RBFOX3: variants seen among roughly 807,000 people sequenced by gnomAD.
The protein encoded by RBFOX3 is RNA binding fox-1 homolog 3, also known as RNA binding protein fox-1 homolog 3.
In RBFOX3, 17 loss-of-function variants were observed where a neutral mutation model predicts 48.7. The observed-to-expected ratio is 0.35, with a 90% CI of 0.24 to 0.52. The LOEUF is 0.52. Ranked by LOEUF, RBFOX3 falls within the 20% of genes least tolerant of loss-of-function variation. The pLI is 0.94. For synonymous variants in RBFOX3, 212 were observed against 209.5 expected (o/e 1.01, Z -0.10); for missense variants, 382 against 497.5 (o/e 0.77, Z 2.21).
At chr17:79,639,500 A>G in the RBFOX3 span, among the ~76,000 whole-genome samples, 2 of 152,192 alleles carry the variant, frequency 1.3e-5, no homozygotes, top group Admixed American at 1.3e-4. Flanking sequence ...TGAGGCTAGC[A>G]TCACCCTAAT....
chr17:79,192,276 C>T (rs1255128640), intron 4 of RBFOX3, among the ~76,000 whole-genome samples: 1 of 152,204 alleles, frequency 6.6e-6, no homozygotes, highest in Non-Finnish European at 1.5e-5. Context: ...TTAGCCGCTC[C>T]CGGCCTTTCC....
chr17:79,179,975 G>A (rs1222529678), intron 4 of RBFOX3, among the ~76,000 whole-genome samples: 1 of 152,222 alleles, frequency 6.6e-6, no homozygotes, highest in Non-Finnish European at 1.5e-5. Flanking sequence ...GAGTGGGCAG[G>A]AAAGCTTCAA....
intron 1 of RBFOX3, among the ~76,000 whole-genome samples, chr17:79,488,019 G>C (rs1481813329): frequency 6.6e-6 from 1 of 151,954 alleles, no homozygotes; most frequent in African/African-American, 2.4e-5. Context: ...GGCTCCTAGA[G>C]GTGGGGGTGA....
At chr17:79,556,467 G>T (rs1040423811) in intron 1 of RBFOX3, among the ~76,000 whole-genome samples, 2 of 152,180 alleles carry the variant, frequency 1.3e-5, no homozygotes, top group African/African-American at 4.8e-5. Flanking sequence ...TGCCCAGGCC[G>T]CCCACAGGAA....
At chr17:79,455,277 G>A (rs76309245) in intron 2 of RBFOX3, among the ~76,000 whole-genome samples, 6,269 of 152,300 alleles carry the variant, frequency 0.041, 421 homozygotes, top group African/African-American at 0.14. Context: ...GGAGCGGAGA[G>A]GGGGAGAGGC....
At chr17:79,092,110 GC>G in intron 14 of RBFOX3, 1 of 985,542 alleles carries the variant, frequency 1.0e-6, no homozygotes, top group Non-Finnish European at 1.2e-6. Context: ...GCGTCAGGGT[GC>G]TGGACACTAG....
At chr17:79,651,339 G>A in the RBFOX3 span, among the ~76,000 whole-genome samples, 6 of 152,276 alleles carry the variant, frequency 3.9e-5, no homozygotes, top group East Asian at 3.9e-4. Flanking sequence ...GACAGACAGC[G>A]CCAGAGAGTT....
chr17:79,530,802 C>T (rs939046459), intron 1 of RBFOX3, among the ~76,000 whole-genome samples: 20 of 152,166 alleles, frequency 1.3e-4, no homozygotes, highest in Admixed American at 3.3e-4. Flanking sequence ...ACGGAGCCTC[C>T]GGGAGCTTCC....
At chr17:79,491,725 T>C (rs1441898908) in intron 1 of RBFOX3, among the ~76,000 whole-genome samples, 1 of 152,158 alleles carries the variant, frequency 6.6e-6, no homozygotes, top group African/African-American at 2.4e-5. Context: ...GGTGATGGTG[T>C]CATTTATCGC....
At chr17:79,610,455 AGCCACCACCACC>A (rs1173825138) in intron 1 of RBFOX3, among the ~76,000 whole-genome samples, 2 of 151,314 alleles carry the variant, frequency 1.3e-5, no homozygotes, top group Non-Finnish European at 3.0e-5. Flanking sequence ...CCGCCGCCAC[AGCCACCACCACC>A]GCCACCGCCA....
intron 2 of RBFOX3, among the ~76,000 whole-genome samples, chr17:79,383,644 G>T (rs1191026583): frequency 6.6e-6 from 1 of 152,158 alleles, no homozygotes; most frequent in Non-Finnish European, 1.5e-5. Flanking sequence ...GGTTCCTAGG[G>T]ACTTTCTGTG....
At chr17:79,244,481 ACCCACCCTC>A (rs908968804) in intron 3 of RBFOX3, among the ~76,000 whole-genome samples, 51 of 61,066 alleles carry the variant, frequency 8.4e-4, no homozygotes, top group Non-Finnish European at 2.1e-4. Flanking sequence ...AGAGTAACCC[ACCCACCCTC>A]CCCACCTTCA....
At chr17:79,583,418 C>T (rs925946649) in intron 1 of RBFOX3, among the ~76,000 whole-genome samples, 16 of 152,206 alleles carry the variant, frequency 1.1e-4, no homozygotes, top group East Asian at 3.8e-4. Context: ...ACAGATGTCA[C>T]GCAGTGCCCC....
At chr17:79,147,450 C>T (rs2043264833) in intron 4 of RBFOX3, among the ~76,000 whole-genome samples, 1 of 152,240 alleles carries the variant, frequency 6.6e-6, no homozygotes, top group African/African-American at 2.4e-5. Context: ...TTCCCCCAAC[C>T]CCTCCGGAGC....
chr17:79,121,099 A>G (rs1157285642), intron 4 of RBFOX3, among the ~76,000 whole-genome samples: 1 of 152,036 alleles, frequency 6.6e-6, no homozygotes, highest in Non-Finnish European at 1.5e-5. Flanking sequence ...GTTTTCTAGG[A>G]AACAGGAGAC....
At chr17:79,441,116 C>G (rs1034442391) in intron 2 of RBFOX3, among the ~76,000 whole-genome samples, 1 of 152,144 alleles carries the variant, frequency 6.6e-6, no homozygotes, top group African/African-American at 2.4e-5. Context: ...AGAGACACAG[C>G]GGAAGGATTT....
At chr17:79,095,813 G>A (rs764303277) in intron 12 of RBFOX3, among the ~76,000 whole-genome samples, 20 of 152,322 alleles carry the variant, frequency 1.3e-4, no homozygotes, top group Middle Eastern at 3.4e-3. Context: ...TCAGGGCGAG[G>A]CAGGTCTGCC....
intron 3 of RBFOX3, among the ~76,000 whole-genome samples, chr17:79,267,711 G>A (rs2066952533): frequency 6.6e-6 from 1 of 152,126 alleles, no homozygotes; most frequent in African/African-American, 2.4e-5. Context: ...CTCTATGGAG[G>A]AAGATGCCAG....
intron 4 of RBFOX3, among the ~76,000 whole-genome samples, chr17:79,186,142 C>G (rs535369868): frequency 6.6e-6 from 1 of 152,332 alleles, no homozygotes; most frequent in East Asian, 1.9e-4. Context: ...CACCTGCCTT[C>G]CAGCCTCACC....
Sources: allele counts gnomAD v4.1 joint callset (sites outside exome capture counted in the v4.1 genomes callset), GRCh38; gene constraint gnomAD v4.1.1; transcripts MANE v1.5; gene names NCBI Gene and HGNC (gene_info 2026-07-23, HGNC 2026-07-21).